Variants in KIF16B observed in about 807,000 individuals in gnomAD.
KIF16B encodes the protein kinesin family member 16B, also known as kinesin-like protein KIF16B.
A neutral mutation model predicts 156.3 loss-of-function variants in KIF16B; 98 were observed. The observed-to-expected ratio is 0.63, with a 90% CI of 0.53 to 0.74. The LOEUF (loss-of-function observed/expected upper bound fraction) is 0.74. Ranked by LOEUF, KIF16B falls within the 30% of genes least tolerant of loss-of-function variation. KIF16B has a pLI of 0.00. For missense variants in KIF16B, 1,421 were observed against 1,606.5 expected, an observed-to-expected ratio of 0.88 and a Z score of 1.97; for synonymous variants, 564 against 583.7, an observed-to-expected ratio of 0.97 and a Z score of 0.49.
chr20:16,570,706 CTCA>C (rs2071420212), intron 1 of KIF16B, among the ~76,000 whole-genome samples: 1 of 152,158 alleles, frequency 6.6e-6, no homozygotes, highest in African/African-American at 2.4e-5. Flanking sequence ...CCATCTTATT[CTCA>C]TCATCCTGGC....
chr20:16,390,558 C>T (rs1038724410), intron 17 of KIF16B, among the ~76,000 whole-genome samples: 1 of 152,060 alleles, frequency 6.6e-6, no homozygotes, highest in Non-Finnish European at 1.5e-5. Context: ...AGAGAGAGGG[C>T]CCAGGTGAAC....
chr20:16,564,471 T>G (rs1291710511), intron 1 of KIF16B, among the ~76,000 whole-genome samples: 1 of 151,552 alleles, frequency 6.6e-6, no homozygotes, highest in Non-Finnish European at 1.5e-5. Flanking sequence ...ATGAGAACAC[T>G]TGGACACAGG....
intron 12 of KIF16B, among the ~76,000 whole-genome samples, chr20:16,481,135 C>T (rs1010134254): frequency 8.5e-5 from 13 of 152,232 alleles, no homozygotes; most frequent in Admixed American, 2.6e-4. Context: ...CACGTGTCTG[C>T]GGTAGGCTGA....
At chr20:16,465,114 G>A (rs2067453433) in intron 12 of KIF16B, among the ~76,000 whole-genome samples, 1 of 152,090 alleles carries the variant, frequency 6.6e-6, no homozygotes, top group African/African-American at 2.4e-5. Flanking sequence ...TGCAAAGGAG[G>A]CCTCAAGTGG....
intron 4 of KIF16B, among the ~76,000 whole-genome samples, chr20:16,514,885 C>CAAAAAAAAAAAA (rs10564862): frequency 5.9e-4 from 36 of 60,756 alleles, no homozygotes; most frequent in African/African-American, 1.4e-3. Context: ...GATTCCATCT[C>CAAAAAAAAAAAA]AAAAAAAAAA....
At chr20:16,347,111 T>TA (rs1310356282) in intron 23 of KIF16B, among the ~76,000 whole-genome samples, 4 of 151,902 alleles carry the variant, frequency 2.6e-5, no homozygotes, top group African/African-American at 7.3e-5. Context: ...GCAGATGAAC[T>TA]AAAAAAAATG....
chr20:16,286,071 T>C (rs2063217962), intron 25 of KIF16B, among the ~76,000 whole-genome samples: 1 of 152,250 alleles, frequency 6.6e-6, no homozygotes, highest in African/African-American at 2.4e-5. Flanking sequence ...AGGTAAACTA[T>C]ACATGGTCGA....
chr20:16,312,455 A>G (rs746743514), intron 24 of KIF16B, 37 bp from the exon 25 acceptor site: 1 of 1,334,912 alleles, frequency 7.5e-7, no homozygotes, highest in East Asian at 2.3e-5. Flanking sequence ...CATTAATAGC[A>G]TACCTGTTAA....
chr20:16,452,798 G>A (rs1169234012), intron 12 of KIF16B, among the ~76,000 whole-genome samples: 3 of 149,654 alleles, frequency 2.0e-5, no homozygotes, highest in African/African-American at 4.9e-5. Context: ...TCGCGCCACT[G>A]CACTCCAGCC....
At chr20:16,554,162 C>T (rs1007165493) in intron 1 of KIF16B, among the ~76,000 whole-genome samples, 1 of 152,178 alleles carries the variant, frequency 6.6e-6, no homozygotes, top group South Asian at 2.1e-4. Context: ...ATGAAGCCTG[C>T]GGACCAGGCT....
At chr20:16,534,744 C>T (rs2069890345) in intron 1 of KIF16B, among the ~76,000 whole-genome samples, 1 of 151,964 alleles carries the variant, frequency 6.6e-6, no homozygotes, top group Admixed American at 6.6e-5. Context: ...ATCCAGTTTT[C>T]CCAGCATCAT....
intron 25 of KIF16B, among the ~76,000 whole-genome samples, chr20:16,278,996 G>T (rs933574488): frequency 6.6e-6 from 1 of 152,142 alleles, no homozygotes; most frequent in Non-Finnish European, 1.5e-5. Flanking sequence ...ACACGGGGAA[G>T]GTCCTGTTTC....
intron 1 of KIF16B, among the ~76,000 whole-genome samples, chr20:16,563,631 T>C (rs2071148882): frequency 6.6e-6 from 1 of 152,118 alleles, no homozygotes; most frequent in Admixed American, 6.6e-5. Context: ...AACTTCTCTC[T>C]CTCTGACAGG....
intron 12 of KIF16B, among the ~76,000 whole-genome samples, chr20:16,475,469 A>G (rs910859): frequency 0.52 from 78,742 of 151,940 alleles, 21,659 homozygotes; most frequent in African/African-American, 0.72. Context: ...TAACTGTGAC[A>G]GTACATTCTT....
At chr20:16,507,318 G>A (rs184878612) in intron 7 of KIF16B, among the ~76,000 whole-genome samples, 10 of 152,148 alleles carry the variant, frequency 6.6e-5, no homozygotes, top group African/African-American at 2.4e-4. Flanking sequence ...TGTATCTGAT[G>A]TGTCCAACTG....
chr20:16,527,085 C>T (rs115867955), intron 2 of KIF16B, among the ~76,000 whole-genome samples: 22 of 152,224 alleles, frequency 1.4e-4, no homozygotes, highest in African/African-American at 4.8e-4. Flanking sequence ...CGTAGAAAGA[C>T]ACATGAAGGA....
At chr20:16,540,622 C>A (rs6034521) in intron 1 of KIF16B, among the ~76,000 whole-genome samples, 6 of 151,906 alleles carry the variant, frequency 3.9e-5, no homozygotes, top group Non-Finnish European at 8.8e-5. Context: ...TGCCTCTCCC[C>A]GTCGCCATCC....
intron 12 of KIF16B, among the ~76,000 whole-genome samples, chr20:16,444,256 C>T (rs1356571730): frequency 6.6e-6 from 1 of 152,174 alleles, no homozygotes; most frequent in African/African-American, 2.4e-5. Flanking sequence ...CCCAGCAGTT[C>T]CACCCCTAGG....
chr20:16,394,058 T>C (rs2065434772), intron 17 of KIF16B, among the ~76,000 whole-genome samples: 1 of 152,232 alleles, frequency 6.6e-6, no homozygotes, highest in African/African-American at 2.4e-5. Flanking sequence ...CATGCTACCA[T>C]GTAGGACTAG....
Sources: gnomAD v4.1 joint callset for allele counts (sites outside exome capture counted in the v4.1 genomes callset) on GRCh38, gnomAD v4.1.1 for gene constraint, MANE v1.5 for transcripts, NCBI Gene and HGNC (gene_info 2026-07-23, HGNC 2026-07-21) for gene names.